DENND4C: variants seen among roughly 807,000 people sequenced by gnomAD.
DENND4C encodes DENN domain containing 4C.
A neutral mutation model predicts 203.0 loss-of-function variants in DENND4C; 108 were observed. That is an observed-to-expected ratio of 0.53 (90% CI 0.46 to 0.62). The LOEUF is 0.62. Ranked by LOEUF, DENND4C falls within the 20% of genes least tolerant of loss-of-function variation. DENND4C has a pLI of 0.00. For missense variants in DENND4C, 2,481 were observed against 2,301.2 expected, an observed-to-expected ratio of 1.08 and a Z score of -1.60; for synonymous variants, 871 against 792.4, an observed-to-expected ratio of 1.10 and a Z score of -1.67.
At chr9:19,339,304 C>T (rs1405356880) in intron 20 of DENND4C, among the ~76,000 whole-genome samples, 1 of 152,170 alleles carries the variant, frequency 6.6e-6, no homozygotes, top group African/African-American at 2.4e-5. Flanking sequence ...TGTCAGTTAT[C>T]CCAGTGTTCC....
intron 3 of DENND4C, 129 bp downstream of exon 3, chr9:19,287,150 A>G: frequency 1.2e-6 from 1 of 865,304 alleles, no homozygotes; most frequent in East Asian, 3.4e-5. Flanking sequence ...ATTTTTCCTA[A>G]TTTTTATGAT....
intron 1 of DENND4C, among the ~76,000 whole-genome samples, chr9:19,268,561 C>T (rs1270858001): frequency 6.6e-6 from 1 of 152,184 alleles, no homozygotes; most frequent in African/African-American, 2.4e-5. Context: ...TTGCTCATTA[C>T]TGTTCTTTTC....
intron 8 of DENND4C, 53 bp downstream of exon 8, chr9:19,299,340 T>TA: frequency 8.0e-7 from 1 of 1,243,368 alleles, no homozygotes; most frequent in South Asian, 1.5e-5. Context: ...CAGAATGCTT[T>TA]AAAATATTTT....
At chr9:19,319,583 A>G (rs1374634664) in intron 12 of DENND4C, among the ~76,000 whole-genome samples, 1 of 151,404 alleles carries the variant, frequency 6.6e-6, no homozygotes, top group Non-Finnish European at 1.5e-5. Context: ...TGAAAATAAG[A>G]TTAGGCTCAG....
At chr9:19,342,381 A>T (rs1219992017) in intron 21 of DENND4C, among the ~76,000 whole-genome samples, 1 of 152,284 alleles carries the variant, frequency 6.6e-6, no homozygotes, top group East Asian at 1.9e-4. Flanking sequence ...AAGGCCAGAG[A>T]CTTAATTGAT....
chr9:19,370,128 A>T (rs1828518139), intron 31 of DENND4C, 141 bp downstream of exon 31: 1 of 1,004,732 alleles, frequency 1.0e-6, no homozygotes, highest in African/African-American at 1.6e-5. Context: ...TGCTACACAG[A>T]TATATACATT....
intron 9 of DENND4C, among the ~76,000 whole-genome samples, chr9:19,302,077 T>C (rs1838706686): frequency 6.6e-6 from 1 of 152,206 alleles, no homozygotes; most frequent in Non-Finnish European, 1.5e-5. Context: ...CTACATGGAA[T>C]TGGTAATCAT....
At chr9:19,266,395 C>G (rs1830505485) in intron 1 of DENND4C, among the ~76,000 whole-genome samples, 1 of 152,080 alleles carries the variant, frequency 6.6e-6, no homozygotes, top group Admixed American at 6.6e-5. Context: ...AAATTTTCTC[C>G]TGTTCTATAG....
At chr9:19,277,983 A>G (rs556422469) in intron 2 of DENND4C, among the ~76,000 whole-genome samples, 8 of 151,410 alleles carry the variant, frequency 5.3e-5, no homozygotes, top group Non-Finnish European at 1.2e-4. Flanking sequence ...TCTTTCTTTT[A>G]ATATAACTAT....
intron 20 of DENND4C, among the ~76,000 whole-genome samples, chr9:19,337,404 G>GT (rs1187914419): frequency 5.3e-5 from 8 of 152,098 alleles, no homozygotes; most frequent in Non-Finnish European, 1.2e-4. Context: ...TTCTTGTGTT[G>GT]TTTTTTTGTT....
At chr9:19,330,861 C>A (rs563089081) in intron 16 of DENND4C, among the ~76,000 whole-genome samples, 10 of 151,828 alleles carry the variant, frequency 6.6e-5, no homozygotes, top group African/African-American at 2.4e-4. Flanking sequence ...ACCAGTCTGG[C>A]CAACATGGTG....
chr9:19,231,679 G>T (rs1820604234), intron 1 of DENND4C, among the ~76,000 whole-genome samples: 1 of 151,728 alleles, frequency 6.6e-6, no homozygotes, highest in Non-Finnish European at 1.5e-5. Flanking sequence ...TTTGTCACAC[G>T]GGAAAATTTA....
intron 2 of DENND4C, among the ~76,000 whole-genome samples, chr9:19,280,405 A>C (rs1349054069): frequency 6.6e-6 from 1 of 152,148 alleles, no homozygotes; most frequent in Non-Finnish European, 1.5e-5. Context: ...TCTGCCTCCC[A>C]AAGTGTTGAG....
At position 19,369,830 on chromosome 9, in the gene DENND4C, T is replaced by C. The variant is rs202124766; in HGVS notation, c.5525-7T>C. Reference sequence around the variant, plus strand: ...TGAAAAAAAACTTACTGTGTTCTTATTGTTAGATTCTGAAAAGAAATCATC... The same window carrying C: ...TGAAAAAAAACTTACTGTGTTCTTACTGTTAGATTCTGAAAAGAAATCATC... On this transcript the variant is annotated splice_polypyrimidine_tract_variant and splice_region_variant and intron_variant, in intron 30 of 32. Coordinates refer to ENST00000434457, the MANE Select transcript of DENND4C (RefSeq NM_001330640.2). The C allele has an allele frequency of 2.6e-6, 4 of 1,552,770 alleles. No homozygotes were observed. Among genetic ancestry groups the C allele is most frequent in the Non-Finnish European group, 2.6e-6 (3 of 1,154,732 alleles).
chr9:19,305,146 A>G (rs894936661), intron 9 of DENND4C, among the ~76,000 whole-genome samples: 7 of 152,146 alleles, frequency 4.6e-5, no homozygotes, highest in Non-Finnish European at 7.3e-5. Flanking sequence ...GCTTATGATC[A>G]TCGTCATGGC....
chr9:19,341,121 T>A lies in DENND4C; in HGVS notation c.3004+7T>A. ...ACAAAAATGCAAACAGAAGGTTAAG[T>A]ACTGATATTTACGAACTTTACTTAG... On this transcript the variant is annotated splice_region_variant and intron_variant, in intron 21 of 32. Transcript: ENST00000434457. The A allele has an allele frequency of 6.3e-7, 1 of 1,595,950 alleles. No individual in the cohort carries two copies.
intron 3 of DENND4C, among the ~76,000 whole-genome samples, chr9:19,288,191 GA>G (rs1266913595): frequency 2.6e-5 from 4 of 152,232 alleles, no homozygotes; most frequent in African/African-American, 9.6e-5. Flanking sequence ...TGTATAGGCG[GA>G]GATGACAAAT....
At chr9:19,366,051 C>A (rs994250927) in intron 30 of DENND4C, among the ~76,000 whole-genome samples, 3 of 152,140 alleles carry the variant, frequency 2.0e-5, no homozygotes, top group Non-Finnish European at 4.4e-5. Context: ...AGCTTCTTTA[C>A]GTAAATTGAC....
At chr9:19,316,986 A>G in intron 12 of DENND4C, 147 bp downstream of exon 12, 1 of 722,098 alleles carries the variant, frequency 1.4e-6, no homozygotes, top group Middle Eastern at 4.3e-4. Context: ...ACCTAGCTTT[A>G]TGACTAGAAT....
Sources: allele counts gnomAD v4.1 joint callset (sites outside exome capture counted in the v4.1 genomes callset), GRCh38; gene constraint gnomAD v4.1.1; transcripts MANE v1.5; gene names NCBI Gene and HGNC (gene_info 2026-07-23, HGNC 2026-07-21).